DPM2: variants seen among roughly 807,000 people sequenced by gnomAD.
DPM2 encodes dolichol phosphate-mannose biosynthesis regulatory protein.
In DPM2, 8 loss-of-function variants were observed where a neutral mutation model predicts 12.1. That is an observed-to-expected ratio of 0.66 (90% confidence interval 0.39 to 1.19). The LOEUF (loss-of-function observed/expected upper bound fraction) is 1.19, where lower values mean the gene tolerates loss of function less well. Ranked by LOEUF, DPM2 falls within the 50% of genes most tolerant of loss-of-function variation. The probability of loss-of-function intolerance (pLI) is 0.01; values close to 1 mark genes in which losing one functional copy is unlikely to be tolerated. For missense variants in DPM2, 93 were observed against 102.5 expected, an observed-to-expected ratio of 0.91 and a Z score of 0.40; for synonymous variants, 38 against 44.7, an observed-to-expected ratio of 0.85 and a Z score of 0.60.
At chr9:127,937,353 GT>G in intron 2 of DPM2, 80 bp downstream of exon 2, 1 of 1,076,522 alleles carries the variant, frequency 9.3e-7, no homozygotes, top group Non-Finnish European at 1.4e-6. Flanking sequence ...AGCCAGCGCC[GT>G]GCCTAGAGCC....
chr9:127,935,566 G>T lies in DPM2; in HGVS notation c.*156C>A. On this transcript the variant is annotated 3_prime_UTR_variant, in exon 4 of 4. Transcript: ENST00000314392. ...AGTGGGAGTCGGGGAGGGGGCTCCA[G>T]TCAGTCAGGTGTAAGCTCCATGCCA... is the stretch of plus-strand genomic sequence containing the variant. 1 of 738,294 alleles carries T rather than the reference G, an allele frequency of 1.4e-6. No individual in the cohort carries two copies. The allele number at this position is 738,294 out of a possible 1,614,324, so 45.7% of individuals were successfully genotyped here.
At position 127,937,746 on chromosome 9, in the gene DPM2, C is replaced by T. The variant is rs1588690544; in HGVS notation, c.3+72G>A. Reference sequence around the variant, plus strand: ...GCAATCCCCGTTCCAAGTGCCCATGCCCCAGCTCCTGAGCAGACCCGGGAC... The same window carrying T: ...GCAATCCCCGTTCCAAGTGCCCATGTCCCAGCTCCTGAGCAGACCCGGGAC... On this transcript the variant is annotated intron_variant, in intron 1 of 3. Coordinates refer to ENST00000314392, the MANE Select transcript of DPM2 (RefSeq NM_003863.4). 2.2e-5 allele frequency: 35 copies of T among 1,587,298 alleles called. No homozygotes were observed. In the East Asian group the frequency reaches 7.4e-4, roughly 33 times the overall value.
At chr9:127,936,676 C>T (rs1831511651) in intron 2 of DPM2, 21 bp from the exon 3 acceptor site, 2 of 1,475,008 alleles carry the variant, frequency 1.4e-6, no homozygotes, top group Non-Finnish European at 1.8e-6. Flanking sequence ...GGGAAGAGCT[C>T]TGGTGTGTCT....
rs773731630 is a variant in DPM2, at chr9:127,936,663, C to G, written c.94-8G>C. Reference sequence around the variant, plus strand: ...CTGACTGTCGATGAATGGCTGGCATCGAGGGAAGAGCTCTGGTGTGTCTTG... The same window carrying G: ...CTGACTGTCGATGAATGGCTGGCATGGAGGGAAGAGCTCTGGTGTGTCTTG... On this transcript the variant is annotated splice_polypyrimidine_tract_variant and splice_region_variant and intron_variant, in intron 2 of 3. Coordinates refer to ENST00000314392, the MANE Select transcript of DPM2 (RefSeq NM_003863.4). 1 of 1,491,772 alleles carries G rather than the reference C, an allele frequency of 6.7e-7. No homozygotes were observed. Among genetic ancestry groups the G allele is most frequent in the Non-Finnish European group, 8.9e-7 (1 of 1,121,306 alleles). The allele number at this position is 1,491,772 out of a possible 1,614,324, so 92.4% of individuals were successfully genotyped here.
chr9:127,935,717 G>A lies in DPM2; in HGVS notation c.*5C>T, dbSNP rs1194396380. The A allele has an allele frequency of 6.2e-6, 10 of 1,613,098 alleles. No individual in the cohort carries two copies. In the South Asian group the frequency reaches 6.6e-5, roughly 11 times the overall value. ...GGGGCTGGCAGCCTCATCCCTGCGG[G>A]ACCTTCACTGAGCCTTCTTGGTCAC... On this transcript the variant is annotated 3_prime_UTR_variant, in exon 4 of 4. Coordinates refer to ENST00000314392, the MANE Select transcript of DPM2 (RefSeq NM_003863.4).
Position 127,935,763 on chromosome 9 carries a change from CATA to C in DPM2, c.211_213del (p.Tyr71del). 6.2e-7 allele frequency: 1 copy of C among 1,613,288 alleles called. No homozygotes were observed. Among genetic ancestry groups the C allele is most frequent in the Non-Finnish European group, 8.5e-7 (1 of 1,179,270 alleles). ...GTCACTCTCTTGGTCTTCAGCATCA[CATA>C]GGAGATGAACAGTCCTGGGATACAC... On this transcript the variant is annotated inframe_deletion, in exon 4 of 4. Transcript: ENST00000314392.
chr9:127,937,707 G>A, intron 1 of DPM2, 111 bp downstream of exon 1: 1 of 1,428,688 alleles, frequency 7.0e-7, no homozygotes, highest in South Asian at 1.1e-5. Context: ...CCGTACAATA[G>A]TGGGGGCGGG....
rs1831487912 is a variant in DPM2, at chr9:127,935,386, G to C, written c.*336C>G. On this transcript the variant is annotated 3_prime_UTR_variant, in exon 4 of 4. Transcript: ENST00000314392. ...AACCTGCTAAGTCCAACGTCAGCAT[G>C]TGACAGGAGGGGAAGTGAGGCAAGA... The C allele has an allele frequency of 2.4e-6, 1 of 421,182 alleles. No homozygotes were observed. The highest frequency in any genetic ancestry group is 2.4e-5 in the South Asian group (1 of 41,900). The allele number at this position is 421,182 out of a possible 1,614,324, so 26.1% of individuals were successfully genotyped here. A position where few individuals can be genotyped will look rare whatever the true frequency, so the allele number is the denominator to read the frequency against.
At chr9:127,936,374 C>G (rs745958634) in intron 3 of DPM2, 179 bp downstream of exon 3, 1 of 1,542,442 alleles carries the variant, frequency 6.5e-7, no homozygotes, top group Non-Finnish European at 8.8e-7. Context: ...GTCCAAAAAG[C>G]CTGGGGCACC....
At chr9:127,937,367 T>C (rs888225633) in intron 2 of DPM2, 67 bp downstream of exon 2, 13 of 1,243,100 alleles carry the variant, frequency 1.0e-5, no homozygotes, top group Non-Finnish European at 1.4e-5. Context: ...CTAGAGCCTA[T>C]ATAGTAGTTG....
chr9:127,937,544 A>G, intron 1 of DPM2, 21 bp from the exon 2 acceptor site: 1 of 1,590,948 alleles, frequency 6.3e-7, no homozygotes, highest in Non-Finnish European at 8.6e-7. Flanking sequence ...GGGAGGTCTC[A>G]GCTGACGAAG....
chr9:127,935,791 C>T lies in DPM2; in HGVS notation c.197-11G>A. 6.2e-7 allele frequency: 1 copy of T among 1,613,100 alleles called. No individual in the cohort carries two copies. Among genetic ancestry groups the T allele is most frequent in the South Asian group, 1.1e-5 (1 of 91,014 alleles). The stretch of plus-strand genomic sequence containing the variant: ...AGGAGATGAACAGTCCTGGGATACA[C>T]AGACCAGAAAGGCCACATAAGATCT... On this transcript the variant is annotated splice_polypyrimidine_tract_variant and intron_variant, in intron 3 of 3. Coordinates refer to ENST00000314392, the MANE Select transcript of DPM2 (RefSeq NM_003863.4).
chr9:127,937,397 C>A, intron 2 of DPM2, 37 bp downstream of exon 2: 6 of 1,559,464 alleles, frequency 3.8e-6, no homozygotes, highest in Non-Finnish European at 5.3e-6. Flanking sequence ...TGCCAGGGCT[C>A]GGGGAAGGTG....
At chr9:127,936,298 G>T in intron 3 of DPM2, 1 of 1,449,910 alleles carries the variant, frequency 6.9e-7, no homozygotes, top group South Asian at 1.5e-5. Flanking sequence ...GTGACAAGAG[G>T]GTGACTGAGG....
At position 127,936,451 on chromosome 9, in the gene DPM2, G is replaced by A. The variant is rs147403960; in HGVS notation, c.196+102C>T. On this transcript the variant is annotated intron_variant, in intron 3 of 3. Transcript: ENST00000314392. ...ACAGGAAAACCCCACGGGTGAGTTC[G>A]GGGCAAGCAGCTTCCAGCACCGCCA... 4.9e-4 allele frequency: 781 copies of A among 1,610,232 alleles called. 4 individuals are homozygous for A. In the African/African-American group the frequency reaches 8.9e-3, roughly 18 times the overall value.
At position 127,937,465 on chromosome 9, in the gene DPM2, A is replaced by G; in HGVS notation, c.62T>C (p.Phe21Ser). The change falls in exon 2 of 4, where the codon TTC (phenylalanine) becomes TCC (serine). Residue 21 changes from phenylalanine (F) to serine (S), a missense_variant. Phe to Ser is a radical substitution (Grantham distance 155). Transcript: ENST00000314392. ...LGLVAVSLII[F>S]TYYTAWVILL... ...AATCACCCAGGCGGTGTAGTAGGTGAAGATGATCAGGCTAACGGCGACGAG... is the reference window on the plus strand; with the variant it reads ...AATCACCCAGGCGGTGTAGTAGGTGGAGATGATCAGGCTAACGGCGACGAG... 1.2e-6 allele frequency: 2 copies of G among 1,614,002 alleles called. No individual in the cohort carries two copies. The highest frequency in any genetic ancestry group is 1.7e-6 in the Non-Finnish European group (2 of 1,179,912).
intron 2 of DPM2, 108 bp from the exon 3 acceptor site, chr9:127,936,763 G>A (rs1391208378): frequency 5.3e-6 from 5 of 950,036 alleles, no homozygotes; most frequent in Admixed American, 3.7e-5. Flanking sequence ...AGAGGACTGG[G>A]ACTGCATTTG....
intron 3 of DPM2, 137 bp downstream of exon 3, chr9:127,936,416 C>G (rs550389955): frequency 2.5e-6 from 4 of 1,586,958 alleles, no homozygotes; most frequent in East Asian, 4.6e-5. Flanking sequence ...CTGGCAGCCT[C>G]GAAGGATGAA....
chr9:127,936,329 G>A (rs919409241), intron 3 of DPM2: 4 of 1,487,052 alleles, frequency 2.7e-6, no homozygotes, highest in Non-Finnish European at 1.8e-6. Context: ...GTGATGATGG[G>A]GTTGGGGCAG....
Sources: allele counts gnomAD v4.1 joint callset, GRCh38; gene constraint gnomAD v4.1.1; transcripts MANE v1.5; gene names NCBI Gene and HGNC (gene_info 2026-07-23, HGNC 2026-07-21).